CNOT2: variants seen among roughly 807,000 people sequenced by gnomAD.
CNOT2 encodes the protein CC chemokine receptor 4-negative regulator of transcription 2.
Under a neutral mutation model 72.1 loss-of-function variants are expected in CNOT2, and 7 were observed. That is an observed-to-expected ratio of 0.10 (90% CI 0.06 to 0.18). CNOT2 has a LOEUF of 0.18. CNOT2 is among the 10% of genes least tolerant of loss of function. The pLI, the probability that CNOT2 is intolerant of heterozygous loss-of-function variation, is 1.00. For synonymous variants in CNOT2, 196 were observed against 225.6 expected (o/e 0.87, Z 1.17); for missense variants, 345 against 660.3 (o/e 0.52, Z 5.23).
intron 2 of CNOT2, among the ~76,000 whole-genome samples, chr12:70,302,192 G>T (rs1195865108): frequency 6.6e-6 from 1 of 151,880 alleles, no homozygotes; most frequent in African/African-American, 2.4e-5. Context: ...TTTTTTTGAA[G>T]GGTTTTTTGT....
At chr12:70,307,511 A>G (rs373401209) in intron 2 of CNOT2, among the ~76,000 whole-genome samples, 212 of 152,312 alleles carry the variant, frequency 1.4e-3, no homozygotes, top group African/African-American at 4.7e-3. Context: ...CCACCGTTGT[A>G]TATATGGTCC....
At chr12:70,272,761 C>T (rs1420762594) in intron 1 of CNOT2, among the ~76,000 whole-genome samples, 1 of 152,140 alleles carries the variant, frequency 6.6e-6, no homozygotes, top group Non-Finnish European at 1.5e-5. Context: ...TTCACTCTCC[C>T]TTTCTTAGAA....
intron 1 of CNOT2, among the ~76,000 whole-genome samples, chr12:70,270,628 T>C (rs189862535): frequency 7.2e-5 from 11 of 152,286 alleles, no homozygotes; most frequent in Admixed American, 2.0e-4. Context: ...GAAATATGTT[T>C]GTAACCAATA....
rs1241365365 is a variant in CNOT2, at chr12:70,287,657, A to G, written c.48+9383A>G. On this transcript the variant is annotated intron_variant, in intron 2 of 15. Coordinates refer to ENST00000229195, the MANE Select transcript of CNOT2 (RefSeq NM_014515.7). ...GTACATCTTATGTATCCATATAATCATTTATCCCTTTGTTTAGATCTAGAT... is the reference window on the plus strand; with the variant it reads ...GTACATCTTATGTATCCATATAATCGTTTATCCCTTTGTTTAGATCTAGAT... 4.0e-5 allele frequency among the ~76,000 whole-genome samples: 6 copies of G among 150,006 alleles called. 1 individual carries two copies. The highest frequency in any genetic ancestry group is 8.9e-5 in the Non-Finnish European group (6 of 67,590).
At chr12:70,336,087 G>GC (rs1397920373) in intron 8 of CNOT2, 1 of 152,370 alleles carries the variant, frequency 6.6e-6, no homozygotes, top group East Asian at 1.9e-4. Flanking sequence ...CCTGGCCTTG[G>GC]CCTACAAGAT....
intron 4 of CNOT2, among the ~76,000 whole-genome samples, chr12:70,326,849 T>C (rs1879153920): frequency 6.6e-6 from 1 of 151,904 alleles, no homozygotes; most frequent in Non-Finnish European, 1.5e-5. Context: ...TGAAGATTAA[T>C]TTTAGAAAGC....
At chr12:70,325,157 G>T (rs936138223) in intron 4 of CNOT2, among the ~76,000 whole-genome samples, 2 of 151,568 alleles carry the variant, frequency 1.3e-5, no homozygotes, top group Non-Finnish European at 3.0e-5. Context: ...GTAAAGGACA[G>T]ATTTGAGGAA....
intron 2 of CNOT2, among the ~76,000 whole-genome samples, chr12:70,307,284 T>G (rs1875593473): frequency 6.6e-6 from 1 of 152,228 alleles, no homozygotes; most frequent in Non-Finnish European, 1.5e-5. Flanking sequence ...TCTTTTGGAC[T>G]CTTTAATACT....
chr12:70,347,052 T>C (rs1262743963), intron 15 of CNOT2, among the ~76,000 whole-genome samples: 1 of 141,748 alleles, frequency 7.1e-6, no homozygotes, highest in Non-Finnish European at 1.6e-5. Flanking sequence ...CCACATTATC[T>C]GATTTCACAA....
At chr12:70,344,009 T>C (rs1005692161) in intron 13 of CNOT2, 119 bp from the exon 14 acceptor site, 1 of 586,130 alleles carries the variant, frequency 1.7e-6, no homozygotes, top group African/African-American at 1.9e-5. Flanking sequence ...ATAACAGTTA[T>C]CTACTACAAA....
chr12:70,250,928 CA>C (rs1958114753), intron 1 of CNOT2, among the ~76,000 whole-genome samples: 1 of 152,016 alleles, frequency 6.6e-6, no homozygotes, highest in African/African-American at 2.4e-5. Flanking sequence ...ATAGGTTTTA[CA>C]AAGAGCAATA....
intron 1 of CNOT2, among the ~76,000 whole-genome samples, chr12:70,254,457 C>T (rs1227343867): frequency 6.6e-6 from 1 of 152,128 alleles, no homozygotes; most frequent in Non-Finnish European, 1.5e-5. Context: ...ACTCCTCAGA[C>T]TGGTGCCCAA....
At position 70,354,036 on chromosome 12, in the gene CNOT2, A is replaced by T. The variant is rs1172803616; in HGVS notation, c.*121A>T. The stretch of plus-strand genomic sequence containing the variant: ...GCACCCTGGTTTTAATTCCTTGAGG[A>T]TCTGGCAATTGGCTTACGCAAAAGG... On this transcript the variant is annotated 3_prime_UTR_variant, in exon 16 of 16. Transcript: ENST00000229195. The T allele has an allele frequency of 7.0e-7, 1 of 1,433,088 alleles. No individual in the cohort carries two copies. 88.8% of individuals were successfully genotyped at this position (1,433,088 alleles called of 1,614,324 possible).
intron 2 of CNOT2, among the ~76,000 whole-genome samples, chr12:70,290,460 G>A (rs1871694276): frequency 6.6e-6 from 1 of 152,014 alleles, no homozygotes; most frequent in Non-Finnish European, 1.5e-5. Flanking sequence ...CTCCCTCACT[G>A]CACACTGAAA....
chr12:70,261,305 CTTTTTTTTTTTTTTTTT>C (rs71437141), intron 1 of CNOT2, among the ~76,000 whole-genome samples: 1 of 43,340 alleles, frequency 2.3e-5, no homozygotes, highest in Non-Finnish European at 4.2e-5. Context: ...TTCTTTCTTT[CTTTTTTTTTTTTTTTTT>C]TTTTTTTTTT....
At chr12:70,295,854 TA>T (rs1204811608) in intron 2 of CNOT2, among the ~76,000 whole-genome samples, 1 of 152,164 alleles carries the variant, frequency 6.6e-6, no homozygotes, top group African/African-American at 2.4e-5. Flanking sequence ...TGAATCTATA[TA>T]AAGCATATTG....
intron 3 of CNOT2, among the ~76,000 whole-genome samples, chr12:70,312,755 A>G (rs1524248): frequency 0.26 from 39,642 of 151,838 alleles, 6,243 homozygotes; most frequent in East Asian, 0.68. Context: ...TCCAAGTCTC[A>G]GTTTCCTTTT....
chr12:70,254,996 A>G (rs549662153), intron 1 of CNOT2, among the ~76,000 whole-genome samples: 1,510 of 149,572 alleles, frequency 0.01, 29 homozygotes, highest in African/African-American at 0.034. Flanking sequence ...AAAAAAAAAA[A>G]AAGAAGAAGA....
chr12:70,267,113 A>G (rs1295584879), intron 1 of CNOT2, among the ~76,000 whole-genome samples: 3 of 152,090 alleles, frequency 2.0e-5, no homozygotes, highest in Non-Finnish European at 4.4e-5. Context: ...TACAATGCAC[A>G]TTCTTAACTT....
Sources: gnomAD v4.1 joint callset for allele counts (sites outside exome capture counted in the v4.1 genomes callset) on GRCh38, gnomAD v4.1.1 for gene constraint, MANE v1.5 for transcripts, NCBI Gene and HGNC (gene_info 2026-07-23, HGNC 2026-07-21) for gene names.